The following TTC23 variants were observed in gnomAD, a reference collection of about 807,000 sequenced individuals.
The protein encoded by TTC23 is tetratricopeptide repeat domain 23.
A neutral mutation model predicts 55.1 loss-of-function variants in TTC23; 58 were observed. That is an observed-to-expected ratio of 1.05 (90% CI 0.85 to 1.31). TTC23 has a LOEUF of 1.31. Among genes scored for constraint, TTC23 ranks in the 50% most tolerant of loss-of-function variants. The pLI, the probability that TTC23 is intolerant of heterozygous loss-of-function variation, is 0.00. For missense variants in TTC23, 516 were observed against 534.4 expected, an observed-to-expected ratio of 0.97 and a Z score of 0.34; for synonymous variants, 203 against 199.9, an observed-to-expected ratio of 1.02 and a Z score of -0.13.
intron 8 of TTC23, among the ~76,000 whole-genome samples, chr15:99,201,634 C>T (rs1408774671): frequency 6.6e-6 from 1 of 152,098 alleles, no homozygotes; most frequent in Non-Finnish European, 1.5e-5. Context: ...AATCTGGATA[C>T]CTTCTATAAT....
At chr15:99,141,671 C>A (rs1555490492) in intron 12 of TTC23, among the ~76,000 whole-genome samples, 1 of 152,156 alleles carries the variant, frequency 6.6e-6, no homozygotes, top group Non-Finnish European at 1.5e-5. Context: ...GATCTGCCAA[C>A]CATTTTTAGG....
chr15:99,153,870 C>A (rs1322545553), intron 12 of TTC23, among the ~76,000 whole-genome samples: 1 of 151,858 alleles, frequency 6.6e-6, no homozygotes, highest in African/African-American at 2.4e-5. Context: ...GAGAGAAAAC[C>A]CAAATATAAA....
intron 1 of TTC23, among the ~76,000 whole-genome samples, chr15:99,246,900 C>T (rs1465785560): frequency 1.3e-5 from 2 of 151,814 alleles, no homozygotes; most frequent in Non-Finnish European, 2.9e-5. Flanking sequence ...CCAGCCTGAG[C>T]GACAAAGCGA....
At chr15:99,169,538 GTC>G (rs1035002852) in intron 10 of TTC23, among the ~76,000 whole-genome samples, 1 of 152,138 alleles carries the variant, frequency 6.6e-6, no homozygotes, top group Non-Finnish European at 1.5e-5. Context: ...CTGATTTCTG[GTC>G]TCTCTGGAAC....
intron 9 of TTC23, among the ~76,000 whole-genome samples, chr15:99,194,996 G>T (rs1349589747): frequency 1.3e-5 from 2 of 152,176 alleles, no homozygotes; most frequent in Non-Finnish European, 2.9e-5. Context: ...TGACACAGGA[G>T]AAAATCTAGA....
At chr15:99,226,732 C>T (rs1431690310) in intron 5 of TTC23, among the ~76,000 whole-genome samples, 1 of 152,160 alleles carries the variant, frequency 6.6e-6, no homozygotes, top group Admixed American at 6.5e-5. Flanking sequence ...TCCCTCAGCT[C>T]CTCCACACTG....
rs142610856 is a variant in TTC23 at position 99,245,143 on chromosome 15, T to G, written c.-309+246A>C. ...GTTTACCTCAAATGTATATAATTTT[T>G]AGTTTGTCAATCATATTTCAATAAA... On this transcript the variant is annotated intron_variant, in intron 2 of 13. Transcript: ENST00000394132. 3.6e-3 allele frequency among the ~76,000 whole-genome samples: 555 copies of G among 152,332 alleles called. 10 individuals are homozygous for G. The highest frequency in any genetic ancestry group is 0.012 in the African/African-American group (515 of 41,588).
chr15:99,147,760 T>G (rs1185805634), intron 12 of TTC23, among the ~76,000 whole-genome samples: 1 of 150,868 alleles, frequency 6.6e-6, no homozygotes, highest in Non-Finnish European at 1.5e-5. Flanking sequence ...TCAAAGATGA[T>G]TATAAAAATC....
chr15:99,201,471 C>T (rs2076193671), intron 8 of TTC23, among the ~76,000 whole-genome samples: 2 of 152,050 alleles, frequency 1.3e-5, no homozygotes, highest in Non-Finnish European at 1.5e-5. Flanking sequence ...TAAAAGACTA[C>T]AAAAAATAGG....
Position 99,138,018 on chromosome 15 carries a change from C to CTGT in TTC23, c.1333_1335dup (p.Thr445dup). 6.2e-7 allele frequency: 1 copy of CTGT among 1,614,110 alleles called. No individual in the cohort carries two copies. The highest frequency in any genetic ancestry group is 8.5e-7 in the Non-Finnish European group (1 of 1,179,990). ...TTTTCAGGGTGGGGGCCTCAGTCTG[C>CTGT]TGTTGTGCCGGGCCGGGCCTTCCCC... On this transcript the variant is annotated inframe_insertion, in exon 14 of 14. Transcript: ENST00000394132.
At chr15:99,142,327 T>C (rs181423836) in intron 12 of TTC23, among the ~76,000 whole-genome samples, 20 of 152,264 alleles carry the variant, frequency 1.3e-4, no homozygotes, top group African/African-American at 4.6e-4. Context: ...GGCCCCTCTC[T>C]CCAGGGTTAA....
At position 99,231,080 on chromosome 15, in the gene TTC23, T is replaced by G. The variant is rs115229380; in HGVS notation, c.-20-2348A>C. Reference sequence around the variant, plus strand: ...TGATACAGTAGCTGTCGTAACATCATAGCGTAATGCATTGACTCATGTGTT... The same window carrying G: ...TGATACAGTAGCTGTCGTAACATCAGAGCGTAATGCATTGACTCATGTGTT... On this transcript the variant is annotated intron_variant, in intron 4 of 13. Coordinates refer to ENST00000394132, the MANE Select transcript of TTC23 (RefSeq NM_001288615.3). 6.4e-4 allele frequency among the ~76,000 whole-genome samples: 97 copies of G among 152,338 alleles called. 1 individual carries two copies. The highest frequency in any genetic ancestry group is 2.2e-3 in the African/African-American group (92 of 41,572).
At chr15:99,190,379 T>C (rs2075144010) in intron 9 of TTC23, among the ~76,000 whole-genome samples, 1 of 151,596 alleles carries the variant, frequency 6.6e-6, no homozygotes, top group African/African-American at 2.4e-5. Flanking sequence ...TTCAAGCGAT[T>C]CTCCTGCCTC....
At chr15:99,139,011 A>T in intron 13 of TTC23, 1 of 433,158 alleles carries the variant, frequency 2.3e-6, no homozygotes, top group Non-Finnish European at 4.3e-6. Flanking sequence ...GCAGGGCTGC[A>T]GGAGGCCACA....
intron 8 of TTC23, 125 bp downstream of exon 8, chr15:99,218,463 A>T: frequency 1.6e-6 from 2 of 1,261,954 alleles, no homozygotes; most frequent in Non-Finnish European, 2.2e-6. Flanking sequence ...TTTTACTTTT[A>T]CACAGTGACC....
intron 9 of TTC23, among the ~76,000 whole-genome samples, chr15:99,181,407 A>T (rs2074100871): frequency 1.3e-5 from 2 of 152,194 alleles, no homozygotes; most frequent in Non-Finnish European, 2.9e-5. Flanking sequence ...AGGAGAGAAA[A>T]GCGGCAGATG....
intron 10 of TTC23, 27 bp from the exon 11 acceptor site, chr15:99,161,894 T>C (rs1567362504): frequency 6.3e-7 from 1 of 1,577,344 alleles, no homozygotes; most frequent in Admixed American, 2.0e-5. Context: ...ATCATAACTT[T>C]GAAAACTGCT....
At chr15:99,157,215 T>TC (rs1281879106) in intron 11 of TTC23, 2 of 149,648 alleles carry the variant, frequency 1.3e-5, no homozygotes, top group Non-Finnish European at 1.5e-5. Flanking sequence ...CTGGAGGTTT[T>TC]TTTTTTTTTT....
chr15:99,170,640 G>A (rs940579991), intron 10 of TTC23, among the ~76,000 whole-genome samples: 1 of 152,306 alleles, frequency 6.6e-6, no homozygotes, highest in African/African-American at 2.4e-5. Flanking sequence ...ACAAAGATAC[G>A]TTGCAAATTG....
Sources: allele counts gnomAD v4.1 joint callset (sites outside exome capture counted in the v4.1 genomes callset), GRCh38; gene constraint gnomAD v4.1.1; transcripts MANE v1.5; gene names NCBI Gene and HGNC (gene_info 2026-07-23, HGNC 2026-07-21).